Variants in LDB3 observed in about 807,000 individuals in gnomAD.
The protein encoded by LDB3 is LIM domain binding 3, also known as LIM domain-binding protein 3.
Under a neutral mutation model 69.0 loss-of-function variants are expected in LDB3, and 49 were observed. The observed-to-expected ratio is 0.71, with a 90% CI of 0.56 to 0.90. LDB3 has a LOEUF of 0.90. LDB3 is among the 40% of genes least tolerant of loss of function. LDB3 has a pLI of 0.00. For missense variants in LDB3, 928 were observed against 974.1 expected, an observed-to-expected ratio of 0.95 and a Z score of 0.63; for synonymous variants, 387 against 396.2, an observed-to-expected ratio of 0.98 and a Z score of 0.28.
intron 12 of LDB3, among the ~76,000 whole-genome samples, chr10:86,719,583 G>C (rs1847002567): frequency 6.6e-6 from 1 of 152,142 alleles, no homozygotes; most frequent in Admixed American, 6.5e-5. Flanking sequence ...CCTTCTCTGA[G>C]CCTTACTTTC....
At chr10:86,691,512 G>C (rs116117097) in intron 5 of LDB3, among the ~76,000 whole-genome samples, 1,716 of 152,298 alleles carry the variant, frequency 0.011, 25 homozygotes, top group African/African-American at 0.039. Flanking sequence ...GTGTCCCCCA[G>C]TTGGCCTCTC....
chr10:86,726,637 T>G (rs1454679745), intron 13 of LDB3, among the ~76,000 whole-genome samples: 1 of 152,146 alleles, frequency 6.6e-6, no homozygotes, highest in Non-Finnish European at 1.5e-5. Flanking sequence ...GACTTGAAGG[T>G]TTTCCCCTCC....
chr10:86,691,307 A>T (rs1307313380), intron 5 of LDB3, among the ~76,000 whole-genome samples: 1 of 152,178 alleles, frequency 6.6e-6, no homozygotes, highest in African/African-American at 2.4e-5. Flanking sequence ...CCCAGGCCAG[A>T]AATCCCCTGT....
chr10:86,711,813 G>A (rs926886302), intron 9 of LDB3, among the ~76,000 whole-genome samples: 24 of 149,524 alleles, frequency 1.6e-4, no homozygotes, highest in Non-Finnish European at 3.0e-5. Flanking sequence ...GGACGGTCAC[G>A]TTGGCCCGCG....
chr10:86,732,003 C>CT lies in LDB3; in HGVS notation c.2095-879dup, dbSNP rs755552822. On this transcript the variant is annotated intron_variant, in intron 13 of 13. Transcript: ENST00000361373. ...TTAACTAATTTTCTTTTCTTTCTTT[C>CT]TTTTTCTTTTTTTTTTTTTTTGGTA... 5.6e-3 allele frequency among the ~76,000 whole-genome samples: 686 copies of CT among 123,172 alleles called. 39 individuals carry two copies. The highest frequency in any genetic ancestry group is 0.02 in the African/African-American group (615 of 31,252). 80.8% of individuals were successfully genotyped at this position (123,172 alleles called of 152,430 possible).
chr10:86,715,977 C>T (rs1164026926), intron 9 of LDB3, among the ~76,000 whole-genome samples: 1 of 152,166 alleles, frequency 6.6e-6, no homozygotes, highest in African/African-American at 2.4e-5. Flanking sequence ...GACCCACTCC[C>T]ACCTCTCCCC....
intron 13 of LDB3, among the ~76,000 whole-genome samples, chr10:86,730,768 C>A (rs996014057): frequency 6.6e-6 from 1 of 152,124 alleles, no homozygotes; most frequent in Admixed American, 6.5e-5. Context: ...CCTGCTTGGT[C>A]CATGGTAGTC....
At chr10:86,698,415 G>A (rs1057113344) in intron 7 of LDB3, among the ~76,000 whole-genome samples, 1 of 152,228 alleles carries the variant, frequency 6.6e-6, no homozygotes, top group African/African-American at 2.4e-5. Flanking sequence ...GGCACCTCTG[G>A]TCTGGAGGAT....
intron 13 of LDB3, 131 bp from the exon 14 acceptor site, chr10:86,732,756 G>T: frequency 1.4e-6 from 1 of 691,464 alleles, no homozygotes; most frequent in Non-Finnish European, 2.6e-6. Context: ...TGCCTGCCTT[G>T]GCCTTCCAAA....
intron 5 of LDB3, 46 bp downstream of exon 5, chr10:86,681,849 G>A: frequency 6.5e-7 from 1 of 1,531,320 alleles, no homozygotes; most frequent in Non-Finnish European, 8.8e-7. Context: ...TGGGCCACCT[G>A]GGTCCTCGGT....
chr10:86,684,317 C>G (rs907619658), intron 5 of LDB3, among the ~76,000 whole-genome samples: 1 of 152,254 alleles, frequency 6.6e-6, no homozygotes, highest in Non-Finnish European at 1.5e-5. Flanking sequence ...ATCCCGGCCC[C>G]AGGTCCTGGG....
At chr10:86,692,455 A>T in intron 6 of LDB3, 80 bp from the exon 7 acceptor site, 2 of 1,378,438 alleles carry the variant, frequency 1.5e-6, no homozygotes, top group Non-Finnish European at 2.1e-6. Context: ...AATCCTGGGG[A>T]CTCAGTGCCC....
At chr10:86,730,700 T>C (rs2132512556) in intron 13 of LDB3, among the ~76,000 whole-genome samples, 1 of 152,356 alleles carries the variant, frequency 6.6e-6, no homozygotes, top group East Asian at 1.9e-4. Flanking sequence ...AAGGCTTACC[T>C]ACCTTATAAG....
intron 5 of LDB3, 95 bp from the exon 6 acceptor site, chr10:86,691,801 G>A (rs1305253456): frequency 8.5e-6 from 12 of 1,408,164 alleles, no homozygotes; most frequent in South Asian, 2.3e-5. Flanking sequence ...GGGACAGAAC[G>A]ATAGGGGCCA....
chr10:86,728,821 C>T (rs1847360538), intron 13 of LDB3, among the ~76,000 whole-genome samples: 1 of 151,940 alleles, frequency 6.6e-6, no homozygotes, highest in Non-Finnish European at 1.5e-5. Context: ...ACCTCATGAG[C>T]CACCCACCTC....
chr10:86,708,630 G>C (rs1305535311), intron 8 of LDB3, among the ~76,000 whole-genome samples: 1 of 152,142 alleles, frequency 6.6e-6, no homozygotes, highest in African/African-American at 2.4e-5. Flanking sequence ...CTTAGCACAG[G>C]AATCTATCCA....
intron 7 of LDB3, 121 bp downstream of exon 7, chr10:86,692,692 C>A (rs902357306): frequency 1.5e-5 from 14 of 917,282 alleles, no homozygotes; most frequent in African/African-American, 1.1e-4. Flanking sequence ...GAAAGCCTGG[C>A]CTGCAAAGGG....
At chr10:86,703,048 G>A (rs939903536) in intron 7 of LDB3, among the ~76,000 whole-genome samples, 3 of 152,198 alleles carry the variant, frequency 2.0e-5, no homozygotes, top group African/African-American at 4.8e-5. Context: ...TGGCTGCGGA[G>A]AGCAGCAGGT....
rs142051973 is a variant in LDB3 at position 86,695,964 on chromosome 10, A to G, written c.896+3393A>G. ...TGCCTGCCTGGGTAAAGAGCTCTGC[A>G]TCTCCCCATCTTTCCAAGCGTTAGG... On this transcript the variant is annotated intron_variant, in intron 7 of 13. Transcript: ENST00000361373. Among the ~76,000 whole-genome samples the G allele has an allele frequency of 1.2e-3, 184 of 152,240 alleles. 2 individuals carry two copies. Among genetic ancestry groups the G allele is most frequent in the Middle Eastern group, 3.4e-3 (1 of 294 alleles).
Sources: gnomAD v4.1 joint callset for allele counts (sites outside exome capture counted in the v4.1 genomes callset) on GRCh38, gnomAD v4.1.1 for gene constraint, MANE v1.5 for transcripts, NCBI Gene and HGNC (gene_info 2026-07-23, HGNC 2026-07-21) for gene names.